DHDDS: variants seen among roughly 807,000 people sequenced by gnomAD.
DHDDS encodes the protein dehydrodolichyl diphosphate synthase subunit.
Under a neutral mutation model 46.2 loss-of-function variants are expected in DHDDS, and 16 were observed. That is an observed-to-expected ratio of 0.35 (90% CI 0.23 to 0.53). The LOEUF is 0.53. Ranked by LOEUF, DHDDS falls within the 20% of genes least tolerant of loss-of-function variation. DHDDS has a pLI of 0.94. For missense variants in DHDDS, 340 were observed against 423.7 expected (o/e 0.80, Z 1.73); for synonymous variants, 151 against 163.1 (o/e 0.93, Z 0.56).
At chr1:26,452,490 G>A (rs1055734490) in intron 6 of DHDDS, among the ~76,000 whole-genome samples, 6 of 152,214 alleles carry the variant, frequency 3.9e-5, no homozygotes, top group Non-Finnish European at 5.9e-5. Context: ...TTGATTCCCT[G>A]TAGGCCTCTG....
Position 26,469,381 on chromosome 1 carries a change from T to C in DHDDS, c.*250T>C, listed in dbSNP as rs1404128014. On this transcript the variant is annotated 3_prime_UTR_variant, in exon 9 of 9. Coordinates refer to ENST00000236342, the MANE Select transcript of DHDDS (RefSeq NM_205861.3). Reference sequence around the variant, plus strand: ...ACCTAGGTCTGGTCACCAATAGGGTTTGGAGAGCAAAGGGCCACAACTCAT... The same window carrying C: ...ACCTAGGTCTGGTCACCAATAGGGTCTGGAGAGCAAAGGGCCACAACTCAT... 1 of 629,870 alleles carries C rather than the reference T, an allele frequency of 1.6e-6. No homozygotes were observed. The highest frequency in any genetic ancestry group is 2.9e-5 in the Admixed American group (1 of 34,278). The allele number at this position is 629,870 out of a possible 1,614,324, so 39.0% of individuals were successfully genotyped here.
chr1:26,457,761 C>A, intron 6 of DHDDS, 30 bp from the exon 7 acceptor site: 1 of 1,496,496 alleles, frequency 6.7e-7, no homozygotes, highest in Non-Finnish European at 9.3e-7. Flanking sequence ...AGGATGTGTG[C>A]CTCTCTTTGT....
chr1:26,432,795 C>G, intron 1 of DHDDS, 96 bp from the exon 2 acceptor site: 3 of 745,138 alleles, frequency 4.0e-6, no homozygotes, highest in Non-Finnish European at 7.1e-6. Flanking sequence ...GATTCTAATG[C>G]TGGCTGCTCT....
chr1:26,468,797 T>TTGGCCCCCCCGG, intron 8 of DHDDS, 98 bp from the exon 9 acceptor site: 1 of 1,434,856 alleles, frequency 7.0e-7, no homozygotes, highest in Non-Finnish European at 9.5e-7. Context: ...TCCACTTCAC[T>TTGGCCCCCCCGG]TGGCCCACCC....
chr1:26,457,993 C>T, intron 7 of DHDDS, 88 bp downstream of exon 7: 1 of 1,151,220 alleles, frequency 8.7e-7, no homozygotes, highest in Non-Finnish European at 1.3e-6. Flanking sequence ...ATCCCCACTC[C>T]CAAACAGGCT....
Position 26,447,632 on chromosome 1 carries a change from G to C in DHDDS, c.514G>C (p.Gly172Arg). ...ISNAVREMAW[G>R]VEQGLLDPSD... ...CAATGCTGTGAGAGAGATGGCCTGG[G>C]GGGTGGAGCAAGGCCTGTTGGATCC... Residue 172 changes from glycine (G) to arginine (R), a missense_variant, in exon 6 of 9, where the codon GGG becomes CGG. Gly to Arg is a moderately radical substitution (Grantham distance 125). This residue lies in a region of DHDDS where 268 missense variants were observed against 300.3 expected (regional missense o/e 0.89). Coordinates refer to ENST00000236342, the MANE Select transcript of DHDDS (RefSeq NM_205861.3). 1.9e-6 allele frequency: 3 copies of C among 1,614,162 alleles called. No homozygotes were observed. Among genetic ancestry groups the C allele is most frequent in the Non-Finnish European group, 2.5e-6 (3 of 1,180,024 alleles).
At chr1:26,433,129 G>C in intron 2 of DHDDS, 121 bp downstream of exon 2, 1 of 1,048,932 alleles carries the variant, frequency 9.5e-7, no homozygotes, top group Non-Finnish European at 1.5e-6. Flanking sequence ...AATTTAGCAA[G>C]GAAACCAAAG....
At chr1:26,463,593 G>A (rs1452756427) in intron 8 of DHDDS, among the ~76,000 whole-genome samples, 2 of 151,818 alleles carry the variant, frequency 1.3e-5, no homozygotes, top group Admixed American at 6.6e-5. Context: ...TGCAACCTCC[G>A]CCTCCCAGGT....
intron 3 of DHDDS, 149 bp downstream of exon 3, chr1:26,438,433 T>A (rs965615439): frequency 1.3e-6 from 1 of 776,240 alleles, no homozygotes; most frequent in Non-Finnish European, 2.2e-6. Context: ...ATAGATCTCA[T>A]CTTGACATTG....
chr1:26,469,017 G>A lies in DHDDS; in HGVS notation c.888G>A (p.Arg296=). The part of the protein sequence containing the change: ...LQASGDAQLR[R]TRLHKLSARR... ...CCAGTGGGGACGCCCAGCTCCGAAGGACACGCTTGCACAAACTCTCGGCCA... is the reference window on the plus strand; with the variant it reads ...CCAGTGGGGACGCCCAGCTCCGAAGAACACGCTTGCACAAACTCTCGGCCA... The change falls in exon 9 of 9, where the codon AGG becomes AGA. Residue 296 remains arginine, a synonymous_variant. Coordinates refer to ENST00000236342, the MANE Select transcript of DHDDS (RefSeq NM_205861.3). 6.2e-7 allele frequency: 1 copy of A among 1,614,156 alleles called. No homozygotes were observed. Among genetic ancestry groups the A allele is most frequent in the Non-Finnish European group, 8.5e-7 (1 of 1,180,052 alleles).
At chr1:26,435,856 G>GC (rs1408192449) in intron 2 of DHDDS, among the ~76,000 whole-genome samples, 1 of 151,830 alleles carries the variant, frequency 6.6e-6, no homozygotes, top group Non-Finnish European at 1.5e-5. Context: ...CTCGTGATCT[G>GC]CCCGCCTTCG....
intron 8 of DHDDS, chr1:26,467,355 C>T (rs1034775543): frequency 1.7e-5 from 8 of 471,414 alleles, no homozygotes; most frequent in East Asian, 1.4e-4. Flanking sequence ...GAGAGCTCTA[C>T]GGCAACTGTT....
At chr1:26,452,901 C>A (rs545742382) in intron 6 of DHDDS, among the ~76,000 whole-genome samples, 1 of 152,106 alleles carries the variant, frequency 6.6e-6, no homozygotes, top group Non-Finnish European at 1.5e-5. Flanking sequence ...GAGTTTGAGA[C>A]CAGCCCTGGC....
intron 2 of DHDDS, among the ~76,000 whole-genome samples, chr1:26,437,724 C>T (rs1431614021): frequency 6.6e-6 from 1 of 151,822 alleles, no homozygotes; most frequent in Non-Finnish European, 1.5e-5. Flanking sequence ...GATCTGCCCA[C>T]CTCAGCCTCC....
At position 26,469,304 on chromosome 1, in the gene DHDDS, G is replaced by T; in HGVS notation, c.*173G>T. The T allele has an allele frequency of 1.6e-6, 2 of 1,227,682 alleles. No individual in the cohort carries two copies. The highest frequency in any genetic ancestry group is 2.3e-6 in the Non-Finnish European group (2 of 872,888). 76.0% of individuals were successfully genotyped at this position (1,227,682 alleles called of 1,614,324 possible). On this transcript the variant is annotated 3_prime_UTR_variant, in exon 9 of 9. Coordinates refer to ENST00000236342, the MANE Select transcript of DHDDS (RefSeq NM_205861.3). The stretch of plus-strand genomic sequence containing the variant: ...GCCATAGATACCTTTGGGCTGCCTG[G>T]GACAGGCTCCTGAGGAGGATTGAGG...
rs77183028 is a variant in DHDDS, at chr1:26,464,939, G to A, written c.766-3956G>A. ...GCAGGGACTTGGCTACAAGTTGTGG[G>A]GAGCCAGACCTTGGTATCTGAATGG... On this transcript the variant is annotated intron_variant, in intron 8 of 8. Transcript: ENST00000236342. Among the ~76,000 whole-genome samples, 580 of 152,310 alleles carry A rather than the reference G, an allele frequency of 3.8e-3. 1 individual carries two copies. The highest frequency in any genetic ancestry group is 0.013 in the African/African-American group (534 of 41,564).
At chr1:26,434,899 G>A (rs2075137631) in intron 2 of DHDDS, among the ~76,000 whole-genome samples, 1 of 148,798 alleles carries the variant, frequency 6.7e-6, no homozygotes, top group South Asian at 2.1e-4. Context: ...GGCCTCAAGT[G>A]ATCTGCCCAC....
chr1:26,450,239 T>C (rs1050936333), intron 6 of DHDDS, among the ~76,000 whole-genome samples: 3 of 152,192 alleles, frequency 2.0e-5, no homozygotes, highest in Admixed American at 2.0e-4. Context: ...CACTGAAGCT[T>C]GGAACTCCTG....
In DHDDS at chr1:26,446,571, T is replaced by C. The variant is rs561607684; in HGVS notation, c.440+139T>C. The C allele has an allele frequency of 2.1e-5, 16 of 758,218 alleles. No individual in the cohort carries two copies. In the East Asian group the frequency reaches 3.9e-4, roughly 19 times the overall value. The allele number at this position is 758,218 out of a possible 1,614,324, so 47.0% of individuals were successfully genotyped here. ...AGTAGGTTGAGCAGCTTAGAGACTT[T>C]CTCCGTCTGCAGGGCACACCAGACA... On this transcript the variant is annotated intron_variant, in intron 5 of 8. Coordinates refer to ENST00000236342, the MANE Select transcript of DHDDS (RefSeq NM_205861.3).
Sources: gnomAD v4.1 joint callset for allele counts (sites outside exome capture counted in the v4.1 genomes callset) on GRCh38, gnomAD v4.1.1 for gene constraint, gnomAD v4.1.1 regional missense constraint, MANE v1.5 for transcripts, NCBI Gene and HGNC (gene_info 2026-07-23, HGNC 2026-07-21) for gene names.